The following SLC20A2 variants were observed in gnomAD, a reference collection of about 807,000 sequenced individuals.
SLC20A2 encodes the protein solute carrier family 20 member 2.
SLC20A2 carries 30 observed loss-of-function variants against 61.0 expected under a neutral mutation model. The ratio of observed to expected loss-of-function variants is 0.49; its 90% CI spans 0.37 to 0.67. The LOEUF (loss-of-function observed/expected upper bound fraction) is 0.67, where lower values mean the gene tolerates loss of function less well. Among genes scored for constraint, SLC20A2 ranks in the 30% least tolerant of loss-of-function variants. The pLI, the probability that SLC20A2 is intolerant of heterozygous loss-of-function variation, is 0.00. For missense variants in SLC20A2, 626 were observed against 866.4 expected, an observed-to-expected ratio of 0.72 and a Z score of 3.48; for synonymous variants, 351 against 353.3, an observed-to-expected ratio of 0.99 and a Z score of 0.07.
intron 1 of SLC20A2, among the ~76,000 whole-genome samples, chr8:42,527,531 A>AGGTTAG (rs1812048112): frequency 6.6e-6 from 1 of 152,154 alleles, no homozygotes; most frequent in Non-Finnish European, 1.5e-5. Flanking sequence ...TAACCCTAGC[A>AGGTTAG]CTTTGGGGGG....
intron 5 of SLC20A2, among the ~76,000 whole-genome samples, chr8:42,446,288 G>A (rs561233552): frequency 3.5e-4 from 54 of 152,314 alleles, no homozygotes; most frequent in African/African-American, 1.1e-3. Flanking sequence ...GTTTGAGAAC[G>A]TCATCTTTTC....
intron 1 of SLC20A2, among the ~76,000 whole-genome samples, chr8:42,494,495 T>C (rs113514036): frequency 1.2e-4 from 18 of 152,342 alleles, no homozygotes; most frequent in African/African-American, 3.6e-4. Context: ...GAGATAGTTA[T>C]TGCTCATAAT....
chr8:42,453,149 G>A (rs1395802378), intron 5 of SLC20A2, among the ~76,000 whole-genome samples: 1 of 152,090 alleles, frequency 6.6e-6, no homozygotes, highest in African/African-American at 2.4e-5. Context: ...GACCTGCTTC[G>A]ACTGTTCAAA....
rs77773949 is a variant in SLC20A2, at chr8:42,527,940, G to A, written c.-265+13881C>T. 5.9e-3 allele frequency among the ~76,000 whole-genome samples: 892 copies of A among 152,168 alleles called. 13 individuals carry two copies. Among genetic ancestry groups the A allele is most frequent in the African/African-American group, 0.02 (847 of 41,496 alleles). On this transcript the variant is annotated intron_variant, in intron 1 of 10. Coordinates refer to the SLC20A2 transcript ENST00000342228. ...TATGTGTCTATACACCAAAAAGTCA[G>A]CGAAACTATACATCAAAATGTTAAC...
chr8:42,430,986 C>A (rs931026798), intron 8 of SLC20A2, among the ~76,000 whole-genome samples: 5 of 152,172 alleles, frequency 3.3e-5, no homozygotes, highest in African/African-American at 9.7e-5. Flanking sequence ...TCTCCTCCAG[C>A]CTATTTCCTG....
At chr8:42,505,139 C>T (rs1810587987), upstream of SLC20A2, among the ~76,000 whole-genome samples, 1 of 150,496 alleles carries the variant, frequency 6.6e-6, no homozygotes, top group African/African-American at 2.5e-5. Context: ...GAAGATGTCT[C>T]ACTCTGTCGC....
intron 8 of SLC20A2, among the ~76,000 whole-genome samples, chr8:42,436,274 G>A (rs1405046366): frequency 6.6e-6 from 1 of 151,988 alleles, no homozygotes; most frequent in Non-Finnish European, 1.5e-5. Flanking sequence ...ACCCAGCCCG[G>A]CCTGTCCTGA....
chr8:42,445,358 T>C (rs1026105415), intron 5 of SLC20A2, among the ~76,000 whole-genome samples: 1 of 152,012 alleles, frequency 6.6e-6, no homozygotes, highest in Non-Finnish European at 1.5e-5. Context: ...AAACAGCATA[T>C]TTAAGTTGGG....
At chr8:42,483,257 C>A (rs764096494) in intron 1 of SLC20A2, among the ~76,000 whole-genome samples, 1 of 148,100 alleles carries the variant, frequency 6.8e-6, no homozygotes, top group Non-Finnish European at 1.5e-5. Context: ...TATAATCCCA[C>A]CTACCAGGGA....
chr8:42,501,241 C>T (rs970072876), upstream of SLC20A2: 5 of 152,206 alleles, frequency 3.3e-5, no homozygotes, highest in Admixed American at 3.3e-4. Context: ...TGATTTGCAT[C>T]ATGTGTGCCG....
chr8:42,490,828 A>G (rs536226608), intron 1 of SLC20A2, among the ~76,000 whole-genome samples: 72 of 152,262 alleles, frequency 4.7e-4, no homozygotes, highest in African/African-American at 1.6e-3. Flanking sequence ...AAAGTCAGTG[A>G]TTCCCTCTTC....
At chr8:42,419,588 G>T (rs1802909168) in intron 10 of SLC20A2, 1 of 255,746 alleles carries the variant, frequency 3.9e-6, no homozygotes, top group Non-Finnish European at 6.1e-6. Context: ...ATAAAATGGT[G>T]ATTTACCAAA....
At chr8:42,482,960 C>T (rs1354359064) in intron 1 of SLC20A2, among the ~76,000 whole-genome samples, 2 of 151,860 alleles carry the variant, frequency 1.3e-5, no homozygotes, top group Non-Finnish European at 2.9e-5. Context: ...GCAGGAGAGT[C>T]GCTTGAACCC....
chr8:42,485,974 T>C (rs926315154), intron 1 of SLC20A2, among the ~76,000 whole-genome samples: 2 of 150,652 alleles, frequency 1.3e-5, no homozygotes, highest in African/African-American at 4.9e-5. Context: ...AACTTGGGGC[T>C]AGAGAGATTG....
chr8:42,476,159 C>G (rs540863666), intron 1 of SLC20A2, among the ~76,000 whole-genome samples: 19 of 137,724 alleles, frequency 1.4e-4, no homozygotes, highest in African/African-American at 4.6e-4. Flanking sequence ...TGCAGTGGCG[C>G]GATCTCGGCT....
intron 1 of SLC20A2, among the ~76,000 whole-genome samples, chr8:42,497,163 G>A (rs34451349): frequency 0.023 from 3,435 of 152,288 alleles, 80 homozygotes; most frequent in Non-Finnish European, 0.03. Context: ...AGTCAGGGCT[G>A]GAAGGGACTT....
In SLC20A2 at chr8:42,420,910, A is replaced by G. The variant is rs186747419; in HGVS notation, c.1795-2943T>C. The stretch of plus-strand genomic sequence containing the variant: ...CTACTCTTGACTTTTGTTTCCTTAT[A>G]TGACATTATACGTCAGGTAAGGCTA... On this transcript the variant is annotated intron_variant, in intron 10 of 10. Transcript: ENST00000520262. Among the ~76,000 whole-genome samples, 3 of 152,262 alleles carry G rather than the reference A, an allele frequency of 2.0e-5. No individual in the cohort carries two copies. The East Asian group carries it at 5.8e-4, about 29-fold the overall frequency.
rs1586101053 is a variant in SLC20A2 at position 42,459,814 on chromosome 8, A to C, written c.613+82T>G. ...TGAGTAATGCTTTTTACTGTCAGCCAACAATACCAGCACCAAATAAACTGA... is the reference window on the plus strand; with the variant it reads ...TGAGTAATGCTTTTTACTGTCAGCCCACAATACCAGCACCAAATAAACTGA... On this transcript the variant is annotated intron_variant, in intron 5 of 10. Transcript: ENST00000520262. The C allele has an allele frequency of 5.4e-6, 5 of 929,720 alleles. No individual in the cohort carries two copies. In the East Asian group the frequency reaches 1.0e-4, roughly 19 times the overall value. 57.6% of individuals were successfully genotyped at this position (929,720 alleles called of 1,614,324 possible).
chr8:42,525,011 G>A (rs1212688440), intron 1 of SLC20A2, among the ~76,000 whole-genome samples: 1 of 152,066 alleles, frequency 6.6e-6, no homozygotes, highest in Non-Finnish European at 1.5e-5. Context: ...CTCTGAGAAT[G>A]CTGTTTTGTT....
Sources: allele counts gnomAD v4.1 joint callset (sites outside exome capture counted in the v4.1 genomes callset), GRCh38; gene constraint gnomAD v4.1.1; transcripts MANE v1.5; gene names NCBI Gene and HGNC (gene_info 2026-07-23, HGNC 2026-07-21).